Variants in NXN observed in about 807,000 individuals in gnomAD.
NXN encodes the protein nucleoredoxin, also known as nucleoredoxin 1.
A neutral mutation model predicts 48.6 loss-of-function variants in NXN; 16 were observed. The ratio of observed to expected loss-of-function variants is 0.33; its 90% confidence interval spans 0.22 to 0.50. The LOEUF is 0.50. Ranked by LOEUF, NXN falls within the 20% of genes least tolerant of loss-of-function variation. The pLI is 0.98. For synonymous variants in NXN, 281 were observed against 269.6 expected (o/e 1.04, Z -0.41); for missense variants, 492 against 605.5 (o/e 0.81, Z 1.97).
intron 5 of NXN, among the ~76,000 whole-genome samples, chr17:817,519 AT>A (rs1444827373): frequency 3.3e-5 from 5 of 151,938 alleles, no homozygotes; most frequent in African/African-American, 4.8e-5. Context: ...AATACAAAAA[AT>A]TTAGCCGGGC....
intron 1 of NXN, among the ~76,000 whole-genome samples, chr17:843,799 C>A (rs1442980263): frequency 2.0e-5 from 3 of 152,198 alleles, no homozygotes; most frequent in Non-Finnish European, 4.4e-5. Flanking sequence ...GGACCCTGAC[C>A]TGCAGCGTCT....
At chr17:969,793 A>G (rs1177067950) in intron 1 of NXN, among the ~76,000 whole-genome samples, 2 of 152,284 alleles carry the variant, frequency 1.3e-5, no homozygotes, top group East Asian at 3.9e-4. Flanking sequence ...AAAAATGTGG[A>G]ACTGATGCAT....
At chr17:871,298 G>A (rs565762477) in intron 1 of NXN, among the ~76,000 whole-genome samples, 1 of 152,052 alleles carries the variant, frequency 6.6e-6, no homozygotes, top group South Asian at 2.1e-4. Context: ...TCACTGTGGT[G>A]ACCTCAATGA....
chr17:897,163 G>A, intron 1 of NXN: 1 of 567,536 alleles, frequency 1.8e-6, no homozygotes, highest in Non-Finnish European at 2.4e-6. Flanking sequence ...CAGGTCCCAG[G>A]CAAGTCCGAG....
intron 1 of NXN, among the ~76,000 whole-genome samples, chr17:941,002 C>A (rs2068967485): frequency 6.9e-6 from 1 of 145,416 alleles, no homozygotes; most frequent in South Asian, 2.2e-4. Context: ...TCACATCACA[C>A]CTTCCTGGAT....
At chr17:840,312 C>T (rs570431691) in intron 1 of NXN, among the ~76,000 whole-genome samples, 8 of 152,036 alleles carry the variant, frequency 5.3e-5, no homozygotes, top group Admixed American at 3.3e-4. Flanking sequence ...CAGGAAATGC[C>T]GGTTACTCTC....
At chr17:864,239 T>C in intron 1 of NXN, 2 of 1,193,612 alleles carry the variant, frequency 1.7e-6, no homozygotes, top group East Asian at 2.8e-5. Context: ...TCTTCAACTT[T>C]TCTGTAGGTC....
intron 5 of NXN, among the ~76,000 whole-genome samples, chr17:810,746 G>A (rs1045881820): frequency 2.0e-5 from 3 of 152,022 alleles, no homozygotes; most frequent in East Asian, 1.9e-4. Context: ...AAAATTAGCT[G>A]GGCGTGGTAG....
intron 1 of NXN, among the ~76,000 whole-genome samples, chr17:914,935 A>G (rs2068671533): frequency 6.6e-6 from 1 of 151,998 alleles, no homozygotes; most frequent in African/African-American, 2.4e-5. Flanking sequence ...TACTGGAAAA[A>G]TTTCAGAGTT....
chr17:836,380 C>T (rs369267457), intron 1 of NXN, among the ~76,000 whole-genome samples: 2 of 152,320 alleles, frequency 1.3e-5, no homozygotes, highest in South Asian at 2.1e-4. Flanking sequence ...CAAGCCTTCT[C>T]GGGCAAACGT....
chr17:842,870 C>T (rs569010140), intron 1 of NXN, among the ~76,000 whole-genome samples: 6 of 152,002 alleles, frequency 3.9e-5, no homozygotes, highest in South Asian at 2.1e-4. Flanking sequence ...ACCTGGGAGG[C>T]GGAGGTTGCG....
Position 979,749 on chromosome 17 carries a change from G to A in NXN, c.-71C>T. 8.2e-7 allele frequency: 1 copy of A among 1,218,996 alleles called. No individual in the cohort carries two copies. The highest frequency in any genetic ancestry group is 3.0e-4 in the Middle Eastern group (1 of 3,296). 75.5% of individuals were successfully genotyped at this position (1,218,996 alleles called of 1,614,324 possible). A position where few individuals can be genotyped will look rare whatever the true frequency, so the allele number is the denominator to read the frequency against. Reference sequence around the variant, plus strand: ...GGTCCGCGCGGCGGGAGGAGGCGGCGGCGTCGGCGGCAGGCGCTGGGGAGA... The same window carrying A: ...GGTCCGCGCGGCGGGAGGAGGCGGCAGCGTCGGCGGCAGGCGCTGGGGAGA... On this transcript the variant is annotated 5_prime_UTR_variant, in exon 1 of 8. Coordinates refer to ENST00000336868, the MANE Select transcript of NXN (RefSeq NM_022463.5).
chr17:831,690 C>T (rs1181651904), intron 1 of NXN, among the ~76,000 whole-genome samples: 6 of 151,732 alleles, frequency 4.0e-5, no homozygotes, highest in South Asian at 2.1e-4. Context: ...ATTAGAGAAC[C>T]GGATTCACCC....
At chr17:808,985 C>A (rs1412811665) in intron 5 of NXN, among the ~76,000 whole-genome samples, 1 of 152,160 alleles carries the variant, frequency 6.6e-6, no homozygotes, top group East Asian at 1.9e-4. Flanking sequence ...CCATTATATT[C>A]TTTTAATCAC....
intron 1 of NXN, among the ~76,000 whole-genome samples, chr17:833,504 G>A (rs558688128): frequency 1.8e-4 from 27 of 152,232 alleles, no homozygotes; most frequent in Admixed American, 5.9e-4. Flanking sequence ...AGTGTGAGGG[G>A]CCCCTCGAGT....
At chr17:879,738 G>C (rs879606134) in intron 1 of NXN, 3 of 152,250 alleles carry the variant, frequency 2.0e-5, no homozygotes, top group Non-Finnish European at 4.4e-5. Flanking sequence ...CATCTTGGGA[G>C]GAGAGCTGGT....
intron 1 of NXN, among the ~76,000 whole-genome samples, chr17:844,580 CTTTTCTTTT>C (rs1224852671): frequency 2.6e-5 from 4 of 151,946 alleles, no homozygotes; most frequent in African/African-American, 7.2e-5. Context: ...TTCTTTTTTT[CTTTTCTTTT>C]TTTTCTTTTT....
chr17:968,026 T>C (rs1452939368), intron 1 of NXN, among the ~76,000 whole-genome samples: 1 of 152,034 alleles, frequency 6.6e-6, no homozygotes, highest in African/African-American at 2.4e-5. Flanking sequence ...TAACTGGATA[T>C]TTGCTGAAAC....
At chr17:914,750 C>G (rs1024108687) in intron 1 of NXN, among the ~76,000 whole-genome samples, 12 of 152,148 alleles carry the variant, frequency 7.9e-5, no homozygotes, top group African/African-American at 2.4e-4. Flanking sequence ...GGGAGCGTAC[C>G]GTGATGTGGG....
Sources: gnomAD v4.1 joint callset for allele counts (sites outside exome capture counted in the v4.1 genomes callset) on GRCh38, gnomAD v4.1.1 for gene constraint, MANE v1.5 for transcripts, NCBI Gene and HGNC (gene_info 2026-07-23, HGNC 2026-07-21) for gene names.